Variants in AGBL4 observed in about 807,000 individuals in gnomAD.
AGBL4 encodes cytosolic carboxypeptidase 6.
AGBL4 carries 58 observed loss-of-function variants against 66.4 expected under a neutral mutation model. The observed-to-expected ratio is 0.87, with a 90% CI of 0.71 to 1.09. The LOEUF is 1.09. Ranked by LOEUF, AGBL4 falls within the 50% of genes least tolerant of loss-of-function variation. The pLI is 0.00. For synonymous variants in AGBL4, 234 were observed against 222.9 expected (o/e 1.05, Z -0.44); for missense variants, 579 against 631.0 (o/e 0.92, Z 0.88).
At chr1:49,672,835 C>T (rs1420842474) in intron 3 of AGBL4, among the ~76,000 whole-genome samples, 1 of 149,492 alleles carries the variant, frequency 6.7e-6, no homozygotes, top group Non-Finnish European at 1.5e-5. Context: ...GCATGAAAAT[C>T]GCTTGAACCC....
rs935380807 is a variant in AGBL4, at chr1:49,546,362, C to T, written c.282+150951G>A. ...ATATGTATATATGTATATATATATT[C>T]CATCATTATATATATACATATATAC... On this transcript the variant is annotated intron_variant, in intron 3 of 13. Transcript: ENST00000371839. Among the ~76,000 whole-genome samples, 3 of 150,356 alleles carry T rather than the reference C, an allele frequency of 2.0e-5. No individual in the cohort carries two copies. The East Asian group carries it at 5.8e-4, about 29-fold the overall frequency.
intron 1 of AGBL4, among the ~76,000 whole-genome samples, chr1:49,981,908 T>C (rs1321823791): frequency 6.6e-6 from 1 of 152,234 alleles, no homozygotes; most frequent in Non-Finnish European, 1.5e-5. Flanking sequence ...AAATTTCCCC[T>C]TTTATAATTC....
intron 9 of AGBL4, among the ~76,000 whole-genome samples, chr1:48,597,168 C>T (rs1457438598): frequency 6.6e-6 from 1 of 152,190 alleles, no homozygotes; most frequent in Non-Finnish European, 1.5e-5. Context: ...GATAGCAGCT[C>T]CCTTCCCTGG....
intron 4 of AGBL4, among the ~76,000 whole-genome samples, chr1:49,067,528 T>C (rs1644513497): frequency 2.0e-5 from 3 of 152,190 alleles, no homozygotes; most frequent in Admixed American, 6.5e-5. Flanking sequence ...TACTGTTCTC[T>C]CTTTTGAACG....
chr1:49,397,884 T>C (rs1225364895), intron 3 of AGBL4, among the ~76,000 whole-genome samples: 2 of 152,184 alleles, frequency 1.3e-5, no homozygotes, highest in Non-Finnish European at 2.9e-5. Flanking sequence ...ATGGATAAAG[T>C]GAATAGATTA....
intron 5 of AGBL4, among the ~76,000 whole-genome samples, chr1:49,025,156 G>A (rs922345282): frequency 6.6e-6 from 1 of 152,160 alleles, no homozygotes; most frequent in Non-Finnish European, 1.5e-5. Context: ...AACGTACTCA[G>A]TTAATGTTTG....
chr1:48,878,843 G>A (rs533410920), intron 5 of AGBL4, among the ~76,000 whole-genome samples: 10 of 152,222 alleles, frequency 6.6e-5, no homozygotes, highest in East Asian at 3.9e-4. Flanking sequence ...CTGCCCAGCC[G>A]GAGTAATGCC....
chr1:48,696,757 T>C (rs1325256321), intron 6 of AGBL4, among the ~76,000 whole-genome samples: 1 of 152,148 alleles, frequency 6.6e-6, no homozygotes, highest in Non-Finnish European at 1.5e-5. Flanking sequence ...GAGGAGTTTA[T>C]AGAAATTACA....
At chr1:48,667,906 C>T (rs1266099390) in intron 6 of AGBL4, among the ~76,000 whole-genome samples, 5 of 152,102 alleles carry the variant, frequency 3.3e-5, no homozygotes, top group African/African-American at 1.2e-4. Context: ...CCCCATTCCT[C>T]CAGACAATGA....
intron 6 of AGBL4, among the ~76,000 whole-genome samples, chr1:48,799,634 G>T (rs1298963193): frequency 6.6e-6 from 1 of 152,146 alleles, no homozygotes; most frequent in African/African-American, 2.4e-5. Flanking sequence ...CTGTGGGTTT[G>T]TCATAGATAG....
At chr1:49,789,504 A>G (rs1557448344) in intron 2 of AGBL4, among the ~76,000 whole-genome samples, 1 of 152,214 alleles carries the variant, frequency 6.6e-6, no homozygotes, top group Non-Finnish European at 1.5e-5. Flanking sequence ...TACAAAATTG[A>G]TGTGCAAAAA....
chr1:48,685,325 A>C (rs1441117703), intron 6 of AGBL4, among the ~76,000 whole-genome samples: 1 of 152,222 alleles, frequency 6.6e-6, no homozygotes, highest in Non-Finnish European at 1.5e-5. Flanking sequence ...CATCTTACAG[A>C]GATGTTTTAC....
At chr1:49,556,870 C>G (rs1014576002) in intron 3 of AGBL4, among the ~76,000 whole-genome samples, 7 of 151,946 alleles carry the variant, frequency 4.6e-5, no homozygotes, top group African/African-American at 1.4e-4. Flanking sequence ...TGAGGCCTGA[C>G]GAGAATTCAA....
chr1:49,782,518 G>A (rs974758119), intron 2 of AGBL4, among the ~76,000 whole-genome samples: 26 of 152,264 alleles, frequency 1.7e-4, no homozygotes, highest in African/African-American at 5.1e-4. Context: ...TCCATGTGAT[G>A]TACTAGGAGG....
intron 3 of AGBL4, among the ~76,000 whole-genome samples, chr1:49,554,043 G>A (rs1182818357): frequency 6.6e-6 from 1 of 152,116 alleles, no homozygotes; most frequent in Non-Finnish European, 1.5e-5. Context: ...TGAGGGGAGA[G>A]CATTGTTTGA....
At chr1:49,950,026 G>A (rs1282384346) in intron 1 of AGBL4, among the ~76,000 whole-genome samples, 1 of 121,112 alleles carries the variant, frequency 8.3e-6, no homozygotes. Context: ...ACATATGTGT[G>A]TGTGTGTATA....
intron 2 of AGBL4, among the ~76,000 whole-genome samples, chr1:49,846,940 T>C (rs984905842): frequency 1.3e-5 from 2 of 152,198 alleles, no homozygotes; most frequent in Non-Finnish European, 2.9e-5. Flanking sequence ...CTAAAATTCA[T>C]ATTGTACCCA....
intron 4 of AGBL4, among the ~76,000 whole-genome samples, chr1:49,107,357 T>C (rs1386180895): frequency 1.3e-5 from 2 of 152,190 alleles, no homozygotes; most frequent in Admixed American, 1.3e-4. Flanking sequence ...ATATATTAAA[T>C]GTATTTTCAA....
chr1:49,530,155 C>T (rs1436840234), intron 3 of AGBL4, among the ~76,000 whole-genome samples: 4 of 149,396 alleles, frequency 2.7e-5, no homozygotes, highest in Non-Finnish European at 5.9e-5. Flanking sequence ...TCAACATTGT[C>T]GTCATGATCA....
Sources: allele counts gnomAD v4.1 joint callset (sites outside exome capture counted in the v4.1 genomes callset), GRCh38; gene constraint gnomAD v4.1.1; transcripts MANE v1.5; gene names NCBI Gene and HGNC (gene_info 2026-07-23, HGNC 2026-07-21).